ZNF525: variants seen among roughly 807,000 people sequenced by gnomAD.
ZNF525 encodes zinc finger protein 525.
Under a neutral mutation model 37.6 loss-of-function variants are expected in ZNF525, and 33 were observed. That is an observed-to-expected ratio of 0.88 (90% confidence interval 0.67 to 1.17). ZNF525 has a LOEUF of 1.17. Ranked by LOEUF, ZNF525 falls within the 50% of genes most tolerant of loss-of-function variation. ZNF525 has a pLI of 0.00. For synonymous variants in ZNF525, 170 were observed against 182.3 expected, an observed-to-expected ratio of 0.93 and a Z score of 0.54; for missense variants, 449 against 543.1, an observed-to-expected ratio of 0.83 and a Z score of 1.72.
intron 1 of ZNF525, among the ~76,000 whole-genome samples, chr19:53,366,847 G>A (rs55863903): frequency 0.22 from 32,586 of 150,512 alleles, 4,047 homozygotes; most frequent in African/African-American, 0.39. Context: ...CAGAGGAGGC[G>A]CAGAGATGGT....
At position 53,383,398 on chromosome 19, in the gene ZNF525, A is replaced by C; in HGVS notation, c.*1379A>C. ...AGAATTCATACTGGAGAGAAACCTT[A>C]GAAATGTGAAGAATGTGACAAAGTT... On this transcript the variant is annotated 3_prime_UTR_variant, in exon 4 of 4. Transcript: ENST00000474037. 1 of 1,107,118 alleles carries C rather than the reference A, an allele frequency of 9.0e-7. No individual in the cohort carries two copies. The highest frequency in any genetic ancestry group is 1.3e-6 in the Non-Finnish European group (1 of 759,804). The allele number at this position is 1,107,118 out of a possible 1,614,324, so 68.6% of individuals were successfully genotyped here. A position where few individuals can be genotyped will look rare whatever the true frequency, so the allele number is the denominator to read the frequency against.
intron 2 of ZNF525, among the ~76,000 whole-genome samples, chr19:53,373,493 C>T (rs1197932298): frequency 6.6e-6 from 1 of 152,146 alleles, no homozygotes; most frequent in African/African-American, 2.4e-5. Context: ...AGCTTATACC[C>T]TTTGCCATAA....
In ZNF525 at chr19:53,381,350, C is replaced by T; in HGVS notation, c.771C>T (p.Tyr257=). ...ACAAGGTCTTTATTCGGAAGCGATA[C>T]CTTGCACGCCATCGTAGATGTCACA... ...VCDKVFIRKR[Y]LARHRRCHTG... The change falls in exon 4 of 4, where the codon TAC becomes TAT. Residue 257 remains tyrosine, a synonymous_variant. Coordinates refer to ENST00000474037, the MANE Select transcript of ZNF525 (RefSeq NM_001348156.2). The T allele has an allele frequency of 2.5e-6, 4 of 1,591,396 alleles. No homozygotes were observed. In the South Asian group the frequency reaches 3.3e-5, roughly 13 times the overall value.
chr19:53,370,473 TA>T (rs2085479996), intron 1 of ZNF525, among the ~76,000 whole-genome samples: 1 of 148,896 alleles, frequency 6.7e-6, no homozygotes, highest in Non-Finnish European at 1.5e-5. Flanking sequence ...CTTCTCAGGG[TA>T]ACTTGGTGAA....
In ZNF525 at chr19:53,381,831, G is replaced by GCA; in HGVS notation, c.1252_1253insCA (p.Glu418AlafsTer232). ...ACCTTACAAGTGTGAAGAATGTGAT[G>GCA]AAGCTTTCCGTTTCAAATCAAGTCT... On this transcript the variant is annotated frameshift_variant, in exon 4 of 4. Coordinates refer to ENST00000474037, the MANE Select transcript of ZNF525 (RefSeq NM_001348156.2). LOFTEE classifies it high-confidence loss of function. 1 of 1,058,542 alleles carries GCA rather than the reference G, an allele frequency of 9.4e-7. No homozygotes were observed. Among genetic ancestry groups the GCA allele is most frequent in the Non-Finnish European group, 1.5e-6 (1 of 672,610 alleles). The allele number at this position is 1,058,542 out of a possible 1,614,324, so 65.6% of individuals were successfully genotyped here. A position where few individuals can be genotyped will look rare whatever the true frequency, so the allele number is the denominator to read the frequency against.
chr19:53,372,365 A>G (rs1377662461), intron 2 of ZNF525, 69 bp downstream of exon 2: 3 of 748,522 alleles, frequency 4.0e-6, no homozygotes, highest in African/African-American at 1.7e-5. Context: ...GGAGTTGGGA[A>G]TCTTCTAAGT....
intron 2 of ZNF525, among the ~76,000 whole-genome samples, chr19:53,372,916 T>C (rs564281805): frequency 3.3e-5 from 5 of 152,248 alleles, no homozygotes; most frequent in African/African-American, 9.6e-5. Flanking sequence ...ATTTGCAGCA[T>C]ATTAAGCTCA....
At chr19:53,371,749 C>T (rs2147065768) in intron 1 of ZNF525, among the ~76,000 whole-genome samples, 1 of 152,308 alleles carries the variant, frequency 6.6e-6, no homozygotes, top group Middle Eastern at 3.4e-3. Flanking sequence ...AAGTGATTCT[C>T]CCACCTCAAC....
intron 1 of ZNF525, among the ~76,000 whole-genome samples, chr19:53,370,586 G>T (rs2085480984): frequency 6.6e-6 from 1 of 151,992 alleles, no homozygotes; most frequent in African/African-American, 2.4e-5. Context: ...TAAATGGTTG[G>T]CAAAATAGAA....
chr19:53,376,110 A>G, intron 3 of ZNF525: 1 of 1,130,648 alleles, frequency 8.8e-7, no homozygotes, highest in East Asian at 2.6e-5. Context: ...ATGCCAGGAT[A>G]CTTTTTTAGT....
intron 3 of ZNF525, among the ~76,000 whole-genome samples, chr19:53,377,793 C>G (rs1294003472): frequency 6.6e-6 from 1 of 152,082 alleles, no homozygotes; most frequent in African/African-American, 2.4e-5. Flanking sequence ...ATCTCCTGAC[C>G]TCATGATCCT....
intron 2 of ZNF525, among the ~76,000 whole-genome samples, chr19:53,373,523 C>T (rs941247309): frequency 1.1e-4 from 16 of 152,312 alleles, no homozygotes; most frequent in East Asian, 7.7e-4. Flanking sequence ...TTTTCTCTGT[C>T]GTGTCCTCCA....
rs758484552 is a variant in ZNF525 at position 53,380,693 on chromosome 19, G to A, written c.143-29G>A. 1.6e-5 allele frequency: 16 copies of A among 985,044 alleles called. No individual in the cohort carries two copies. In the East Asian group the frequency reaches 3.4e-4, roughly 21 times the overall value. 61.0% of individuals were successfully genotyped at this position (985,044 alleles called of 1,614,324 possible). On this transcript the variant is annotated intron_variant, in intron 3 of 3. Transcript: ENST00000474037. ...AAGTTTAAAATCAGTATTGTCTTTTGTGTACCTATTAGTGTTTATATTTTG... is the reference window on the plus strand; with the variant it reads ...AAGTTTAAAATCAGTATTGTCTTTTATGTACCTATTAGTGTTTATATTTTG...
At chr19:53,369,715 CTTTTTTTTTTTTTTTTT>C (rs57431960) in intron 1 of ZNF525, among the ~76,000 whole-genome samples, 1 of 81,202 alleles carries the variant, frequency 1.2e-5, no homozygotes, top group African/African-American at 6.4e-5. Flanking sequence ...AAAGAAGTTT[CTTTTTTTTTTTTTTTTT>C]TTTTTTTTTT....
At chr19:53,372,761 T>G (rs2085496380) in intron 2 of ZNF525, among the ~76,000 whole-genome samples, 1 of 152,216 alleles carries the variant, frequency 6.6e-6, no homozygotes, top group Admixed American at 6.5e-5. Flanking sequence ...GGTAATTGAA[T>G]GGGTTGCTGT....
At position 53,373,254 on chromosome 19, in the gene ZNF525, A is replaced by G. The variant is rs140920718; in HGVS notation, c.15+958A>G. Among the ~76,000 whole-genome samples the G allele has an allele frequency of 5.1e-3, 774 of 152,146 alleles. 12 individuals carry two copies. The highest frequency in any genetic ancestry group is 0.018 in the African/African-American group (736 of 41,506). On this transcript the variant is annotated intron_variant, in intron 2 of 3. Coordinates refer to ENST00000474037, the MANE Select transcript of ZNF525 (RefSeq NM_001348156.2). ...ATTATAGGCATGCACCACCATGCCA[A>G]GCTAATTTTGTTGTATTTTTATTAG...
At chr19:53,370,673 A>G (rs2085481572) in intron 1 of ZNF525, among the ~76,000 whole-genome samples, 1 of 144,962 alleles carries the variant, frequency 6.9e-6, no homozygotes, top group African/African-American at 2.5e-5. Context: ...GGGATGCAGT[A>G]CCCCAAAAAT....
intron 2 of ZNF525, among the ~76,000 whole-genome samples, chr19:53,373,691 G>A (rs1208076666): frequency 1.3e-5 from 2 of 151,730 alleles, no homozygotes; most frequent in Admixed American, 6.6e-5. Flanking sequence ...GCATGGTGGC[G>A]CATGCCTGTA....
chr19:53,385,321 A>G lies in ZNF525; in HGVS notation c.*3302A>G, dbSNP rs1464421198. 4.3e-6 allele frequency: 1 copy of G among 232,150 alleles called. No homozygotes were observed. The highest frequency in any genetic ancestry group is 2.3e-5 in the African/African-American group (1 of 44,068). 14.4% of individuals were successfully genotyped at this position (232,150 alleles called of 1,614,324 possible). A position where few individuals can be genotyped will look rare whatever the true frequency, so the allele number is the denominator to read the frequency against. On this transcript the variant is annotated 3_prime_UTR_variant, in exon 4 of 4. Coordinates refer to ENST00000474037, the MANE Select transcript of ZNF525 (RefSeq NM_001348156.2). ...AGTTTGATGCCCTCAAAAGGATAAG[A>G]CATGAGTATAAAAAGAGACTCCATC... is the stretch of plus-strand genomic sequence containing the variant.
Sources: allele counts gnomAD v4.1 joint callset (sites outside exome capture counted in the v4.1 genomes callset), GRCh38; gene constraint gnomAD v4.1.1; transcripts MANE v1.5; gene names NCBI Gene and HGNC (gene_info 2026-07-23, HGNC 2026-07-21).